The following ASXL3 variants were observed in gnomAD, a reference collection of about 807,000 sequenced individuals.
ASXL3 encodes the protein putative Polycomb group protein ASXL3.
A neutral mutation model predicts 170.6 loss-of-function variants in ASXL3; 34 were observed. The observed-to-expected ratio is 0.20, with a 90% confidence interval of 0.15 to 0.27. The LOEUF is 0.27. Among genes scored for constraint, ASXL3 ranks in the 10% least tolerant of loss-of-function variants. The pLI is 1.00. For synonymous variants in ASXL3, 1,002 were observed against 989.1 expected (o/e 1.01, Z -0.24); for missense variants, 2,592 against 2,695.3 (o/e 0.96, Z 0.85).
At chr18:33,612,350 T>C (rs1437525377) in intron 2 of ASXL3, among the ~76,000 whole-genome samples, 1 of 152,102 alleles carries the variant, frequency 6.6e-6, no homozygotes, top group Non-Finnish European at 1.5e-5. Context: ...AAGCAGACTA[T>C]AAATATATAT....
chr18:33,714,861 C>A (rs1036750847), intron 8 of ASXL3, among the ~76,000 whole-genome samples: 1 of 152,092 alleles, frequency 6.6e-6, no homozygotes, highest in Non-Finnish European at 1.5e-5. Flanking sequence ...TATCTTGAAT[C>A]CATTTTGGGG....
intron 8 of ASXL3, among the ~76,000 whole-genome samples, chr18:33,694,515 C>T (rs1023843958): frequency 9.9e-5 from 15 of 151,970 alleles, no homozygotes; most frequent in African/African-American, 3.6e-4. Context: ...TCTCTGACTC[C>T]CTCTATTTGG....
intron 8 of ASXL3, among the ~76,000 whole-genome samples, chr18:33,708,929 C>T (rs1339031804): frequency 1.3e-5 from 2 of 152,056 alleles, no homozygotes; most frequent in Admixed American, 6.6e-5. Flanking sequence ...AACAATTTTG[C>T]TACAGTCACT....
At chr18:33,642,521 A>G (rs925268781) in intron 2 of ASXL3, among the ~76,000 whole-genome samples, 1 of 151,978 alleles carries the variant, frequency 6.6e-6, no homozygotes. Flanking sequence ...ATTATTTTCT[A>G]ATGCAAATGT....
chr18:33,579,007 C>G (rs932392262), intron 1 of ASXL3: 2 of 170,506 alleles, frequency 1.2e-5, no homozygotes, highest in African/African-American at 4.8e-5. Flanking sequence ...AGCTCGACTT[C>G]CCTCTCTGCC....
intron 10 of ASXL3, among the ~76,000 whole-genome samples, chr18:33,735,400 G>A (rs1407631195): frequency 1.3e-5 from 2 of 152,118 alleles, no homozygotes; most frequent in African/African-American, 4.8e-5. Flanking sequence ...TGAGTAGGAA[G>A]GCCTGTTTTT....
intron 8 of ASXL3, among the ~76,000 whole-genome samples, chr18:33,717,486 A>C (rs1225748038): frequency 6.6e-6 from 1 of 152,148 alleles, no homozygotes; most frequent in East Asian, 1.9e-4. Flanking sequence ...CATTGCAAGT[A>C]TGCTTACTTC....
At chr18:33,730,543 C>G (rs534940423) in intron 8 of ASXL3, among the ~76,000 whole-genome samples, 1 of 152,068 alleles carries the variant, frequency 6.6e-6, no homozygotes, top group Admixed American at 6.6e-5. Flanking sequence ...GTTATCCAGT[C>G]AAAAGATGGG....
chr18:33,632,282 C>T (rs908743730), intron 2 of ASXL3, among the ~76,000 whole-genome samples: 2 of 151,874 alleles, frequency 1.3e-5, no homozygotes, highest in Non-Finnish European at 1.5e-5. Context: ...AATATTTTCT[C>T]ATATAGTTTT....
At chr18:33,665,358 T>C (rs1410452463) in intron 5 of ASXL3, among the ~76,000 whole-genome samples, 2 of 152,244 alleles carry the variant, frequency 1.3e-5, no homozygotes, top group East Asian at 3.8e-4. Flanking sequence ...TGACCAATAC[T>C]GTGAAATTCC....
At chr18:33,728,020 G>C (rs1486098837) in intron 8 of ASXL3, among the ~76,000 whole-genome samples, 1 of 152,142 alleles carries the variant, frequency 6.6e-6, no homozygotes, top group Non-Finnish European at 1.5e-5. Context: ...GAATCTGTCA[G>C]AGCTAATCTG....
At chr18:33,607,556 C>T in intron 1 of ASXL3, 38 bp from the exon 2 acceptor site, 1 of 1,435,196 alleles carries the variant, frequency 7.0e-7, no homozygotes, top group South Asian at 1.2e-5. Flanking sequence ...TTGTATGCTG[C>T]CATGCAATAA....
At chr18:33,695,269 A>G (rs1267786412) in intron 8 of ASXL3, among the ~76,000 whole-genome samples, 1 of 152,120 alleles carries the variant, frequency 6.6e-6, no homozygotes, top group African/African-American at 2.4e-5. Flanking sequence ...ATTTTAATGG[A>G]ACTGACACTT....
chr18:33,664,313 A>G (rs1568313249), intron 5 of ASXL3, among the ~76,000 whole-genome samples: 3 of 152,196 alleles, frequency 2.0e-5, no homozygotes, highest in South Asian at 4.1e-4. Flanking sequence ...AGCATGTGCT[A>G]TGTAATAGTA....
chr18:33,607,645 G>A lies in ASXL3; in HGVS notation c.106G>A (p.Val36Ile), dbSNP rs201838022. The A allele has an allele frequency of 8.8e-6, 14 of 1,588,478 alleles. No homozygotes were observed. Among genetic ancestry groups the A allele is most frequent in the Admixed American group, 8.8e-5 (5 of 56,762 alleles). The change falls in exon 2 of 12, where the codon GTC becomes ATC. Residue 36 changes from valine to isoleucine, a missense_variant. Val to Ile is a conservative substitution (Grantham distance 29). Coordinates refer to ENST00000269197, the MANE Select transcript of ASXL3 (RefSeq NM_030632.3). The stretch of plus-strand genomic sequence containing the variant: ...AATGACAGCAAAGCAGATATTGGAA[G>A]TCATTCAGAAAGAAGGGTTAAAAGA... Reference protein sequence around the residue: ...SPMTAKQILEVIQKEGLKETS... With the variant: ...SPMTAKQILEIIQKEGLKETS...
chr18:33,670,692 A>T lies in ASXL3; in HGVS notation c.497A>T (p.Lys166Ile). ...ALKQALRQQQ[K>I]RRNGVSMMVN... Reference sequence around the variant, plus strand: ...TTGTAGGCTTTGAGGCAGCAGCAGAAAAGAAGAAATGGAGTCTCAATGATG... The same window carrying T: ...TTGTAGGCTTTGAGGCAGCAGCAGATAAGAAGAAATGGAGTCTCAATGATG... Residue 166 changes from lysine (K) to isoleucine (I), a missense_variant, in exon 6 of 12, where the codon AAA becomes ATA. Around this residue, in one of 4 missense-constraint regions of ASXL3, gnomAD observed 251 missense variants for 281.9 expected, o/e 0.89. Coordinates refer to ENST00000269197, the MANE Select transcript of ASXL3 (RefSeq NM_030632.3). 6.4e-7 allele frequency: 1 copy of T among 1,564,960 alleles called. No homozygotes were observed.
At position 33,744,084 on chromosome 18, in the gene ASXL3, C is replaced by T. The variant is rs756320994; in HGVS notation, c.4236C>T (p.Thr1412=). 6.8e-6 allele frequency: 11 copies of T among 1,613,896 alleles called. 1 individual carries two copies. The highest frequency in any genetic ancestry group is 5.5e-5 in the South Asian group (5 of 91,086). The change falls in exon 12 of 12, where the codon ACC becomes ACT. Residue 1412 remains threonine (T), a synonymous_variant. Coordinates refer to ENST00000269197, the MANE Select transcript of ASXL3 (RefSeq NM_030632.3). ...CAGACTCTCTGGTTGCACACCCGAC[C>T]GTCGCAATGTTTACTGGAAACATGC... is the stretch of plus-strand genomic sequence containing the variant. ...AVTDSLVAHP[T]VAMFTGNMLT... is the part of the protein sequence containing the mutation.
At chr18:33,590,216 G>C (rs558593599) in intron 1 of ASXL3, among the ~76,000 whole-genome samples, 5 of 149,172 alleles carry the variant, frequency 3.4e-5, no homozygotes, top group Admixed American at 6.8e-5. Context: ...CACAACCTAC[G>C]TGTGTTGTCC....
intron 9 of ASXL3, among the ~76,000 whole-genome samples, chr18:33,732,815 C>G (rs2145398918): frequency 6.7e-6 from 1 of 149,126 alleles, no homozygotes; most frequent in South Asian, 2.1e-4. Flanking sequence ...ACCTACTGAT[C>G]ATGCTACTGC....
Sources: gnomAD v4.1 joint callset for allele counts (sites outside exome capture counted in the v4.1 genomes callset) on GRCh38, gnomAD v4.1.1 for gene constraint, gnomAD v4.1.1 regional missense constraint, MANE v1.5 for transcripts, NCBI Gene and HGNC (gene_info 2026-07-23, HGNC 2026-07-21) for gene names.